Variants in KIF16B observed in about 807,000 individuals in gnomAD.
The protein encoded by KIF16B is kinesin family member 16B.
KIF16B carries 98 observed loss-of-function variants against 156.3 expected under a neutral mutation model. The ratio of observed to expected loss-of-function variants is 0.63; its 90% CI spans 0.53 to 0.74. The LOEUF (loss-of-function observed/expected upper bound fraction) is 0.74. Among genes scored for constraint, KIF16B ranks in the 30% least tolerant of loss-of-function variants. The pLI is 0.00. For missense variants in KIF16B, 1,421 were observed against 1,606.5 expected (o/e 0.88, Z 1.97); for synonymous variants, 564 against 583.7 (o/e 0.97, Z 0.49).
At chr20:16,472,686 A>G in intron 12 of KIF16B, among the ~76,000 whole-genome samples, 1 of 151,956 alleles carries the variant, frequency 6.6e-6, no homozygotes, top group East Asian at 1.9e-4. Flanking sequence ...CAACTTTCCC[A>G]TGATAACGTC....
intron 19 of KIF16B, among the ~76,000 whole-genome samples, chr20:16,377,276 T>C (rs1367954560): frequency 6.6e-6 from 1 of 152,040 alleles, no homozygotes; most frequent in Non-Finnish European, 1.5e-5. Context: ...AGATCTCAAC[T>C]GAGCAGGGAG....
chr20:16,374,236 A>T (rs2123345859), intron 20 of KIF16B, 21 bp downstream of exon 20: 1 of 1,516,804 alleles, frequency 6.6e-7, no homozygotes, highest in Non-Finnish European at 8.9e-7. Context: ...AGAAGCCTGG[A>T]ATCACTTTCA....
chr20:16,566,429 C>A (rs140630168), intron 1 of KIF16B, among the ~76,000 whole-genome samples: 320 of 152,336 alleles, frequency 2.1e-3, no homozygotes, highest in Non-Finnish European at 3.6e-3. Flanking sequence ...TATTTCCCTA[C>A]ACTACTATTA....
chr20:16,404,656 A>G (rs913322010), intron 17 of KIF16B, among the ~76,000 whole-genome samples, 157 bp downstream of exon 17: 7 of 152,226 alleles, frequency 4.6e-5, no homozygotes, highest in Admixed American at 1.3e-4. Context: ...GCACATATAT[A>G]GTAAGGGCTG....
At position 16,273,275 on chromosome 20, in the gene KIF16B, T is replaced by C; in HGVS notation, c.3932A>G (p.Tyr1311Cys). The change falls in exon 26 of 26, where the codon TAC becomes TGC. Residue 1311 changes from tyrosine to cysteine, a missense_variant. Tyr to Cys is a radical substitution (Grantham distance 194). Transcript: ENST00000354981. Reference protein sequence around the residue: ...SPFFKKGVFDYSSHGTG With the variant: ...SPFFKKGVFDCSSHGTG Reference sequence around the variant, plus strand: ...GCTCTACCCCGTCCCGTGGCTGCTGTAGTCAAAGACTCCTTTCTTGAAGAA... The same window carrying C: ...GCTCTACCCCGTCCCGTGGCTGCTGCAGTCAAAGACTCCTTTCTTGAAGAA... 1 of 1,614,142 alleles carries C rather than the reference T, an allele frequency of 6.2e-7. No homozygotes were observed. Among genetic ancestry groups the C allele is most frequent in the Non-Finnish European group, 8.5e-7 (1 of 1,179,970 alleles).
At position 16,528,400 on chromosome 20, in the gene KIF16B, T is replaced by C. The variant is rs1568647257; in HGVS notation, c.88A>G (p.Lys30Glu). Residue 30 changes from lysine (K) to glutamate (E), a missense_variant, in exon 2 of 26, where the codon AAA (lysine) becomes GAA (glutamate). Lys to Glu is a moderately conservative substitution (Grantham distance 56). Coordinates refer to ENST00000354981, the MANE Select transcript of KIF16B (RefSeq NM_024704.5). The stretch of plus-strand genomic sequence containing the variant: ...AAGTTTGTGATTGTCGTTTTGCTTT[T>C]CTCCATCTGAATAATGAACTTGGCC... ...LEAKFIIQME[K>E]SKTTITNLKI... The C allele has an allele frequency of 6.2e-7, 1 of 1,614,076 alleles. No homozygotes were observed. Among genetic ancestry groups the C allele is most frequent in the Non-Finnish European group, 8.5e-7 (1 of 1,179,942 alleles).
intron 1 of KIF16B, among the ~76,000 whole-genome samples, chr20:16,557,767 G>A (rs1281452639): frequency 2.0e-5 from 3 of 152,144 alleles, no homozygotes; most frequent in Admixed American, 6.5e-5. Context: ...GGCCTGCATG[G>A]TTTCCTTGTT....
chr20:16,354,602 T>C (rs959734282), intron 23 of KIF16B, among the ~76,000 whole-genome samples: 1 of 152,040 alleles, frequency 6.6e-6, no homozygotes, highest in East Asian at 1.9e-4. Context: ...ATCAAGGACA[T>C]AGCGTAACAT....
intron 25 of KIF16B, among the ~76,000 whole-genome samples, chr20:16,311,271 T>C (rs1161937629): frequency 6.6e-6 from 1 of 152,186 alleles, no homozygotes; most frequent in Non-Finnish European, 1.5e-5. Context: ...GGAGGATGGC[T>C]TGAGGTCAAG....
intron 1 of KIF16B, among the ~76,000 whole-genome samples, chr20:16,536,611 A>T (rs1329750878): frequency 6.6e-6 from 1 of 152,220 alleles, no homozygotes; most frequent in Non-Finnish European, 1.5e-5. Context: ...TGTCAAAAAA[A>T]TGTTTAGGAG....
intron 25 of KIF16B, among the ~76,000 whole-genome samples, chr20:16,282,156 T>C (rs923051314): frequency 1.1e-4 from 16 of 151,360 alleles, no homozygotes; most frequent in African/African-American, 3.9e-4. Flanking sequence ...CTCGGCCTCC[T>C]GAGTAGCTGG....
chr20:16,300,327 C>T (rs547504116), intron 25 of KIF16B, among the ~76,000 whole-genome samples: 1 of 152,122 alleles, frequency 6.6e-6, no homozygotes, highest in Non-Finnish European at 1.5e-5. Context: ...TATAAATTAT[C>T]ATATGCTAAG....
chr20:16,472,258 T>C (rs1470759187), intron 12 of KIF16B, among the ~76,000 whole-genome samples: 2 of 152,212 alleles, frequency 1.3e-5, no homozygotes, highest in African/African-American at 4.8e-5. Context: ...ATATTTACTA[T>C]CTGGTTCTTC....
chr20:16,517,194 C>T (rs1299741926), intron 3 of KIF16B, among the ~76,000 whole-genome samples: 1 of 152,222 alleles, frequency 6.6e-6, no homozygotes, highest in Non-Finnish European at 1.5e-5. Flanking sequence ...TCCATCTTCC[C>T]ACTGACTTCT....
chr20:16,360,187 T>C (rs1041539868), intron 22 of KIF16B, among the ~76,000 whole-genome samples: 4 of 152,158 alleles, frequency 2.6e-5, no homozygotes, highest in African/African-American at 4.8e-5. Context: ...AATGTGGAAT[T>C]CTCAGGGTAC....
chr20:16,536,055 CTA>C (rs1289466297), intron 1 of KIF16B, among the ~76,000 whole-genome samples: 5 of 152,150 alleles, frequency 3.3e-5, no homozygotes, highest in Non-Finnish European at 5.9e-5. Context: ...TATTGAAGCA[CTA>C]TTCACAATAG....
chr20:16,567,691 C>G (rs991947811), intron 1 of KIF16B, among the ~76,000 whole-genome samples: 8 of 152,206 alleles, frequency 5.3e-5, no homozygotes, highest in Admixed American at 6.5e-5. Context: ...CAGCTCACGC[C>G]TGTAATACCA....
intron 25 of KIF16B, among the ~76,000 whole-genome samples, chr20:16,280,619 T>C (rs1275090402): frequency 6.6e-6 from 1 of 152,144 alleles, no homozygotes; most frequent in African/African-American, 2.4e-5. Context: ...GTAACTGAGA[T>C]TCCAAGGGGC....
At chr20:16,280,867 T>TGTGTGTGTGCGC (rs758721339) in intron 25 of KIF16B, among the ~76,000 whole-genome samples, 125 of 150,896 alleles carry the variant, frequency 8.3e-4, no homozygotes, top group Admixed American at 1.4e-3. Context: ...TGTGTGTGTG[T>TGTGTGTGTGCGC]GCGCAGAAAA....
Sources: gnomAD v4.1 joint callset for allele counts (sites outside exome capture counted in the v4.1 genomes callset) on GRCh38, gnomAD v4.1.1 for gene constraint, MANE v1.5 for transcripts, NCBI Gene and HGNC (gene_info 2026-07-23, HGNC 2026-07-21) for gene names.